Variants in GFRA1 observed in about 807,000 individuals in gnomAD.
GFRA1 encodes the protein GDNF family receptor alpha-1.
A neutral mutation model predicts 51.6 loss-of-function variants in GFRA1; 16 were observed. The observed-to-expected ratio is 0.31, with a 90% CI of 0.21 to 0.47. GFRA1 has a LOEUF of 0.47. Among genes scored for constraint, GFRA1 ranks in the 20% least tolerant of loss-of-function variants. The pLI is 1.00. For missense variants in GFRA1, 530 were observed against 594.3 expected, an observed-to-expected ratio of 0.89 and a Z score of 1.13; for synonymous variants, 270 against 241.3, an observed-to-expected ratio of 1.12 and a Z score of -1.10.
At chr10:116,247,476 GT>G (rs1967961190) in intron 4 of GFRA1, among the ~76,000 whole-genome samples, 2 of 152,202 alleles carry the variant, frequency 1.3e-5, no homozygotes, top group African/African-American at 4.8e-5. Context: ...AAACCCCAGA[GT>G]CCTTATCCCG....
intron 4 of GFRA1, among the ~76,000 whole-genome samples, chr10:116,252,726 TTAAC>T (rs1272585766): frequency 1.3e-5 from 2 of 152,162 alleles, no homozygotes; most frequent in Admixed American, 6.5e-5. Context: ...ATTCTCGTCT[TTAAC>T]TAAGAACTTC....
intron 5 of GFRA1, among the ~76,000 whole-genome samples, chr10:116,167,324 T>A (rs1449587139): frequency 6.6e-6 from 1 of 152,088 alleles, no homozygotes; most frequent in Non-Finnish European, 1.5e-5. Flanking sequence ...TGGGGCTCCA[T>A]TAGGCCTTCC....
chr10:116,190,021 G>C (rs1963107755), intron 5 of GFRA1, among the ~76,000 whole-genome samples: 1 of 152,120 alleles, frequency 6.6e-6, no homozygotes, highest in Non-Finnish European at 1.5e-5. Flanking sequence ...AGCGGGACCA[G>C]AACTCAGGAG....
intron 4 of GFRA1, among the ~76,000 whole-genome samples, chr10:116,226,981 G>A (rs959240677): frequency 2.6e-5 from 4 of 152,174 alleles, no homozygotes; most frequent in African/African-American, 9.7e-5. Flanking sequence ...GGGAGCGGCT[G>A]TAAATACAGA....
At chr10:116,256,719 T>C (rs1968889739) in intron 4 of GFRA1, among the ~76,000 whole-genome samples, 1 of 152,224 alleles carries the variant, frequency 6.6e-6, no homozygotes, top group Non-Finnish European at 1.5e-5. Flanking sequence ...CGAAATGTTC[T>C]GAATCGAGTT....
intron 5 of GFRA1, among the ~76,000 whole-genome samples, chr10:116,171,891 G>A (rs1210951036): frequency 1.3e-5 from 2 of 152,136 alleles, no homozygotes; most frequent in African/African-American, 4.8e-5. Context: ...GTATCAGTGT[G>A]GTATCAGCAG....
chr10:116,116,746 G>A (rs561596519), intron 6 of GFRA1, among the ~76,000 whole-genome samples: 44 of 152,322 alleles, frequency 2.9e-4, no homozygotes, highest in African/African-American at 1.0e-3. Context: ...TATAAGCAAC[G>A]AGTGTTCAAA....
At chr10:116,065,512 C>T in intron 10 of GFRA1, 61 bp downstream of exon 10, 1 of 1,364,208 alleles carries the variant, frequency 7.3e-7, no homozygotes, top group Admixed American at 1.7e-5. Context: ...TACCCTGCCC[C>T]CAGGGGCCCA....
Position 116,065,641 on chromosome 10 carries a change from GA to G in GFRA1, c.1198-16del, listed in dbSNP as rs570225661. On this transcript the variant is annotated splice_polypyrimidine_tract_variant and intron_variant, in intron 9 of 10. Coordinates refer to ENST00000355422, the MANE Select transcript of GFRA1 (RefSeq NM_005264.8). ...AGCTTCTGTGCCTGGAGAGGGACAAGAAAAAAAATGCTCAAACATAATACAG... is the reference window on the plus strand; with the variant it reads ...AGCTTCTGTGCCTGGAGAGGGACAAGAAAAAAATGCTCAAACATAATACAG... 34 of 1,606,644 alleles carry G rather than the reference GA, an allele frequency of 2.1e-5. No individual in the cohort carries two copies. Among genetic ancestry groups the G allele is most frequent in the Non-Finnish European group, 2.6e-5 (31 of 1,174,330 alleles).
chr10:116,223,589 T>C (rs1318815470), intron 4 of GFRA1, among the ~76,000 whole-genome samples: 2 of 152,066 alleles, frequency 1.3e-5, no homozygotes, highest in Non-Finnish European at 2.9e-5. Flanking sequence ...ATTTCAGAAA[T>C]GGAGAGTAAC....
rs1954695254 is a variant in GFRA1 at position 116,059,449 on chromosome 10, C to G, written c.*4949G>C. On this transcript the variant is annotated 3_prime_UTR_variant, in exon 11 of 11. Coordinates refer to ENST00000355422, the MANE Select transcript of GFRA1 (RefSeq NM_005264.8). ...AGCTGCCCTGGAGCAAAAATTAACT[C>G]CCCATGGCAGTGGGACAAGATGCTG... The G allele has an allele frequency of 6.6e-6, 1 of 152,278 alleles. No individual in the cohort carries two copies. Among genetic ancestry groups the G allele is most frequent in the Non-Finnish European group, 1.5e-5 (1 of 68,090 alleles). The allele number at this position is 152,278 out of a possible 1,614,324, so 9.4% of individuals were successfully genotyped here. A position where few individuals can be genotyped will look rare whatever the true frequency, so the allele number is the denominator to read the frequency against.
intron 4 of GFRA1, among the ~76,000 whole-genome samples, chr10:116,245,883 T>C (rs901018196): frequency 6.6e-6 from 1 of 152,106 alleles, no homozygotes; most frequent in African/African-American, 2.4e-5. Context: ...AAGAAAACTA[T>C]GAAGACAGTA....
At chr10:116,132,624 G>A (rs1050107271) in intron 5 of GFRA1, among the ~76,000 whole-genome samples, 5 of 151,748 alleles carry the variant, frequency 3.3e-5, no homozygotes, top group Non-Finnish European at 4.4e-5. Flanking sequence ...AGCTCTCTCC[G>A]GGGCCCTGAT....
At chr10:116,104,080 C>T (rs528510885) in intron 6 of GFRA1, among the ~76,000 whole-genome samples, 2 of 152,242 alleles carry the variant, frequency 1.3e-5, no homozygotes, top group South Asian at 2.1e-4. Context: ...GGTGCAGATG[C>T]GCAAAGCTCT....
At chr10:116,252,643 A>G in intron 4 of GFRA1, among the ~76,000 whole-genome samples, 1 of 152,184 alleles carries the variant, frequency 6.6e-6, no homozygotes, top group East Asian at 1.9e-4. Flanking sequence ...CCGCCCTGGA[A>G]AGCTGGAAGG....
chr10:116,089,960 A>G, intron 8 of GFRA1, 38 bp from the exon 9 acceptor site: 2 of 1,563,032 alleles, frequency 1.3e-6, no homozygotes, highest in Non-Finnish European at 1.7e-6. Flanking sequence ...TTCAAAGTCA[A>G]GCAGCAAACG....
intron 5 of GFRA1, among the ~76,000 whole-genome samples, chr10:116,210,699 C>A (rs1181945546): frequency 6.6e-6 from 1 of 152,178 alleles, no homozygotes; most frequent in Non-Finnish European, 1.5e-5. Flanking sequence ...GGTGAAATAA[C>A]AGTTGTGAAA....
At chr10:116,065,835 A>C (rs1955083058) in intron 9 of GFRA1, among the ~76,000 whole-genome samples, 1 of 152,150 alleles carries the variant, frequency 6.6e-6, no homozygotes, top group African/African-American at 2.4e-5. Flanking sequence ...ATTTAACCCA[A>C]TATATTACCA....
At position 116,065,596 on chromosome 10, in the gene GFRA1, T is replaced by C; in HGVS notation, c.1228A>G (p.Asn410Asp). 1 of 1,613,614 alleles carries C rather than the reference T, an allele frequency of 6.2e-7. No homozygotes were observed. The highest frequency in any genetic ancestry group is 8.5e-7 in the Non-Finnish European group (1 of 1,179,624). Reference protein sequence around the residue: ...AQKLKSNVSGNTHLCISNGNY... With the variant: ...AQKLKSNVSGDTHLCISNGNY... The stretch of plus-strand genomic sequence containing the variant: ...ACATTGGAAATACAGAGGTGTGTAT[T>C]GCCCGACACATTGGATTTCAGCTTC... The change falls in exon 10 of 11, where the codon AAT (asparagine) becomes GAT (aspartate). Residue 410 changes from asparagine to aspartate, a missense_variant. Transcript: ENST00000355422.
Sources: allele counts gnomAD v4.1 joint callset (sites outside exome capture counted in the v4.1 genomes callset), GRCh38; gene constraint gnomAD v4.1.1; transcripts MANE v1.5; gene names NCBI Gene and HGNC (gene_info 2026-07-23, HGNC 2026-07-21).